Variants in ZNF385D observed in about 807,000 individuals in gnomAD.
The protein encoded by ZNF385D is zinc finger protein 659.
In ZNF385D, 15 loss-of-function variants were observed where a neutral mutation model predicts 35.8. That is an observed-to-expected ratio of 0.42 (90% CI 0.28 to 0.64). The LOEUF (loss-of-function observed/expected upper bound fraction) is 0.64. ZNF385D is among the 30% of genes least tolerant of loss of function. The pLI is 0.23. For synonymous variants in ZNF385D, 212 were observed against 186.8 expected, an observed-to-expected ratio of 1.13 and a Z score of -1.10; for missense variants, 474 against 494.6, an observed-to-expected ratio of 0.96 and a Z score of 0.39.
At chr3:21,762,404 T>C (rs950240352) in intron 3 of ZNF385D, among the ~76,000 whole-genome samples, 1 of 152,140 alleles carries the variant, frequency 6.6e-6, no homozygotes, top group Non-Finnish European at 1.5e-5. Context: ...CCGTCTGAAA[T>C]GCTGCTCATC....
At chr3:21,876,670 G>A (rs1048944290) in intron 3 of ZNF385D, among the ~76,000 whole-genome samples, 1 of 151,476 alleles carries the variant, frequency 6.6e-6, no homozygotes, top group Admixed American at 6.6e-5. Context: ...TAGTACAGGG[G>A]TTAGAACAAG....
intron 3 of ZNF385D, among the ~76,000 whole-genome samples, chr3:21,835,119 C>A (rs550061310): frequency 6.6e-6 from 1 of 151,850 alleles, no homozygotes; most frequent in Non-Finnish European, 1.5e-5. Flanking sequence ...ACACATTCAT[C>A]AACATTTAGT....
chr3:22,189,867 G>T (rs1262741733), intron 2 of ZNF385D, among the ~76,000 whole-genome samples: 1 of 152,080 alleles, frequency 6.6e-6, no homozygotes, highest in African/African-American at 2.4e-5. Context: ...GTGTCCTGTT[G>T]TTCATTAAGC....
At chr3:22,332,691 T>C (rs1346155120) in intron 2 of ZNF385D, among the ~76,000 whole-genome samples, 1 of 152,050 alleles carries the variant, frequency 6.6e-6, no homozygotes, top group South Asian at 2.1e-4. Context: ...AAAGCCAAGA[T>C]GAGAATTTGA....
chr3:21,960,945 T>C (rs1559793754), intron 3 of ZNF385D, among the ~76,000 whole-genome samples: 1 of 152,108 alleles, frequency 6.6e-6, no homozygotes, highest in Non-Finnish European at 1.5e-5. Flanking sequence ...TAGGAAGATG[T>C]TGTTTAAAAG....
In ZNF385D at chr3:22,275,127, C is replaced by T. The variant is rs771479638; in HGVS notation, c.106+97323G>A. On this transcript the variant is annotated intron_variant, in intron 2 of 5. Transcript: ENST00000494108. ...AACACAGTAAAGATAAATGCTTCAA[C>T]TATGTTAGGAAGAGCCTACTTTCAA... Among the ~76,000 whole-genome samples, 38 of 152,196 alleles carry T rather than the reference C, an allele frequency of 2.5e-4. 1 individual carries two copies. Among genetic ancestry groups the T allele is most frequent in the Non-Finnish European group, 4.4e-4 (30 of 67,982 alleles).
chr3:21,769,193 T>G (rs1470016168), intron 3 of ZNF385D, among the ~76,000 whole-genome samples: 1 of 151,908 alleles, frequency 6.6e-6, no homozygotes, highest in Non-Finnish European at 1.5e-5. Context: ...ATGCCCTCTC[T>G]CTCCACTCCT....
At chr3:22,010,101 A>C (rs2125434733) in intron 3 of ZNF385D, among the ~76,000 whole-genome samples, 1 of 152,244 alleles carries the variant, frequency 6.6e-6, no homozygotes, top group East Asian at 1.9e-4. Flanking sequence ...GTAGCCTATT[A>C]AAGGAAGAAA....
intron 3 of ZNF385D, among the ~76,000 whole-genome samples, chr3:21,953,806 A>G (rs1183758138): frequency 6.6e-6 from 1 of 152,036 alleles, no homozygotes; most frequent in Non-Finnish European, 1.5e-5. Context: ...TAGTGTTTGG[A>G]AATTAGAGAA....
In ZNF385D at chr3:21,455,222, T is replaced by C. The variant is rs545783323; in HGVS notation, c.440-18019A>G. Among the ~76,000 whole-genome samples, 18 of 152,226 alleles carry C rather than the reference T, an allele frequency of 1.2e-4. No individual in the cohort carries two copies. The East Asian group carries it at 1.4e-3, about 11-fold the overall frequency. On this transcript the variant is annotated intron_variant, in intron 4 of 7. Transcript: ENST00000281523. ...GCTACAAATGACTTTCTTCATAGAA[T>C]TGGAAAAAACTATTGTAAAGTTCAT...
intron 3 of ZNF385D, among the ~76,000 whole-genome samples, chr3:21,837,144 T>G (rs1448293731): frequency 6.6e-6 from 1 of 152,142 alleles, no homozygotes; most frequent in Non-Finnish European, 1.5e-5. Context: ...TTTTTATATG[T>G]CATTGCCAAA....
At chr3:21,499,870 A>T (rs986995688) in intron 4 of ZNF385D, among the ~76,000 whole-genome samples, 1 of 152,206 alleles carries the variant, frequency 6.6e-6, no homozygotes, top group Non-Finnish European at 1.5e-5. Context: ...GAGACTGGTT[A>T]TACACTGGAA....
chr3:22,172,552 G>A (rs1011593158), intron 2 of ZNF385D, among the ~76,000 whole-genome samples: 3 of 152,164 alleles, frequency 2.0e-5, no homozygotes, highest in Non-Finnish European at 2.9e-5. Flanking sequence ...TATCAAGACT[G>A]CCCTGAGAAG....
At chr3:21,584,479 C>G (rs1279877741) in intron 2 of ZNF385D, among the ~76,000 whole-genome samples, 2 of 152,086 alleles carry the variant, frequency 1.3e-5, no homozygotes, top group Non-Finnish European at 2.9e-5. Context: ...TACACTTGAT[C>G]TTAGCCAAAA....
chr3:21,683,619 A>T (rs535113620), intron 1 of ZNF385D, among the ~76,000 whole-genome samples: 1 of 149,786 alleles, frequency 6.7e-6, no homozygotes, highest in South Asian at 2.2e-4. Flanking sequence ...TCCATCTCAA[A>T]AAAAAAAGAG....
At chr3:22,219,024 TCAATTGAC>T (rs1414999331) in intron 2 of ZNF385D, among the ~76,000 whole-genome samples, 5 of 152,174 alleles carry the variant, frequency 3.3e-5, no homozygotes, top group Non-Finnish European at 5.9e-5. Flanking sequence ...TATGGGCATT[TCAATTGAC>T]CATTCTCAAA....
At chr3:21,698,664 TA>T (rs1353230133) in intron 1 of ZNF385D, among the ~76,000 whole-genome samples, 8 of 151,334 alleles carry the variant, frequency 5.3e-5, no homozygotes, top group African/African-American at 1.5e-4. Context: ...ACAAACCCAT[TA>T]AAAAATGGGC....
intron 3 of ZNF385D, among the ~76,000 whole-genome samples, chr3:21,939,138 T>G (rs941389603): frequency 2.6e-5 from 4 of 152,196 alleles, no homozygotes; most frequent in Non-Finnish European, 5.9e-5. Flanking sequence ...GTGCTGTCAT[T>G]ACTAGGGCAA....
chr3:22,002,204 C>G (rs1011366337), intron 3 of ZNF385D, among the ~76,000 whole-genome samples: 2 of 151,420 alleles, frequency 1.3e-5, no homozygotes, highest in Admixed American at 1.3e-4. Flanking sequence ...ATTAGCTCAA[C>G]TAACCAATAC....
Sources: gnomAD v4.1 joint callset for allele counts (sites outside exome capture counted in the v4.1 genomes callset) on GRCh38, gnomAD v4.1.1 for gene constraint, MANE v1.5 for transcripts, NCBI Gene and HGNC (gene_info 2026-07-23, HGNC 2026-07-21) for gene names.